NRG1: variants seen among roughly 807,000 people sequenced by gnomAD.
NRG1 encodes the protein neuregulin 1.
NRG1 carries 18 observed loss-of-function variants against 63.8 expected under a neutral mutation model. That is an observed-to-expected ratio of 0.28 (90% CI 0.19 to 0.42). NRG1 has a LOEUF of 0.42. Ranked by LOEUF, NRG1 falls within the 10% of genes least tolerant of loss-of-function variation. The probability of loss-of-function intolerance (pLI) is 1.00; values close to 1 mark genes in which losing one functional copy is unlikely to be tolerated. For missense variants in NRG1, 762 were observed against 814.7 expected (o/e 0.94, Z 0.79); for synonymous variants, 302 against 301.3 (o/e 1.00, Z -0.02).
chr8:31,942,800 A>T (rs1801950810), intron 1 of NRG1, among the ~76,000 whole-genome samples: 1 of 152,030 alleles, frequency 6.6e-6, no homozygotes, highest in Non-Finnish European at 1.5e-5. Context: ...GCTCAACATC[A>T]CTAATTATCA....
At chr8:32,453,199 T>C (rs932945583) in intron 1 of NRG1, among the ~76,000 whole-genome samples, 16 of 152,104 alleles carry the variant, frequency 1.1e-4, no homozygotes, top group Admixed American at 7.2e-4. Flanking sequence ...ATATTTTCCA[T>C]GACACTTTTG....
intron 1 of NRG1, among the ~76,000 whole-genome samples, chr8:32,342,712 T>C (rs1804226809): frequency 6.6e-6 from 1 of 152,254 alleles, no homozygotes; most frequent in South Asian, 2.1e-4. Context: ...TATTGGTGCA[T>C]ATTAGAAAGA....
chr8:32,604,850 A>G (rs1484602375), intron 2 of NRG1, among the ~76,000 whole-genome samples: 1 of 148,400 alleles, frequency 6.7e-6, no homozygotes, highest in Non-Finnish European at 1.5e-5. Context: ...AAACACAGAC[A>G]CAGCAAATCA....
At chr8:32,502,640 C>G (rs1402773876) in intron 1 of NRG1, among the ~76,000 whole-genome samples, 2 of 151,320 alleles carry the variant, frequency 1.3e-5, no homozygotes, top group African/African-American at 4.9e-5. Context: ...GACCTCTAAA[C>G]TACTCTAGGA....
At chr8:32,585,800 G>C (rs551484704) in intron 1 of NRG1, among the ~76,000 whole-genome samples, 1 of 152,194 alleles carries the variant, frequency 6.6e-6, no homozygotes, top group Non-Finnish European at 1.5e-5. Context: ...CAGAAATAAT[G>C]TCATGTGGTG....
intron 1 of NRG1, among the ~76,000 whole-genome samples, chr8:31,920,080 T>C (rs1224209049): frequency 2.0e-5 from 3 of 152,112 alleles, no homozygotes; most frequent in Non-Finnish European, 4.4e-5. Flanking sequence ...AAATAGGGCT[T>C]TGTTACAGCT....
intron 1 of NRG1, among the ~76,000 whole-genome samples, chr8:31,840,575 G>A (rs546410299): frequency 4.6e-5 from 7 of 152,148 alleles, no homozygotes; most frequent in African/African-American, 1.7e-4. Context: ...TTAGTTATGC[G>A]TGGTACTTGA....
chr8:32,193,746 G>A (rs933857746), intron 1 of NRG1, among the ~76,000 whole-genome samples: 15 of 152,172 alleles, frequency 9.9e-5, no homozygotes, highest in African/African-American at 3.4e-4. Context: ...AGGTAATTAA[G>A]TTAAAATGAA....
chr8:32,083,728 G>C (rs1294144321), intron 1 of NRG1, among the ~76,000 whole-genome samples: 1 of 151,936 alleles, frequency 6.6e-6, no homozygotes, highest in African/African-American at 2.4e-5. Context: ...TAATGGGAGG[G>C]GGAAATTAGA....
At chr8:32,059,818 ATTT>A (rs1823552235) in intron 1 of NRG1, among the ~76,000 whole-genome samples, 5 of 151,648 alleles carry the variant, frequency 3.3e-5, no homozygotes, top group Non-Finnish European at 7.4e-5. Flanking sequence ...GGGAAACTTT[ATTT>A]CTATCTTTTC....
At chr8:32,228,746 TAAG>T (rs10550729) in intron 1 of NRG1, among the ~76,000 whole-genome samples, 2,877 of 152,270 alleles carry the variant, frequency 0.019, 79 homozygotes, top group African/African-American at 0.064. Flanking sequence ...ATGAAAGAAA[TAAG>T]AACTCTCACA....
At chr8:32,142,749 T>C (rs552965883) in intron 1 of NRG1, among the ~76,000 whole-genome samples, 118 of 152,326 alleles carry the variant, frequency 7.7e-4, no homozygotes, top group African/African-American at 2.7e-3. Context: ...ACCAATGACA[T>C]TGTGAGAATT....
chr8:31,824,011 TC>T (rs1245922485), intron 1 of NRG1, among the ~76,000 whole-genome samples: 1 of 151,606 alleles, frequency 6.6e-6, no homozygotes, highest in Non-Finnish European at 1.5e-5. Flanking sequence ...TTCTTCTATT[TC>T]TTTTTTTTTA....
chr8:32,383,936 T>C (rs1464067987), intron 1 of NRG1, among the ~76,000 whole-genome samples: 2 of 152,134 alleles, frequency 1.3e-5, no homozygotes, highest in Non-Finnish European at 1.5e-5. Flanking sequence ...AGAAAGTGAG[T>C]TATAAACTGT....
At chr8:32,185,002 T>TTC (rs1240139259) in intron 1 of NRG1, among the ~76,000 whole-genome samples, 1 of 152,222 alleles carries the variant, frequency 6.6e-6, no homozygotes, top group Non-Finnish European at 1.5e-5. Flanking sequence ...GTAGATGACA[T>TTC]TCTGGAGACT....
intron 1 of NRG1, among the ~76,000 whole-genome samples, chr8:31,676,447 A>G (rs1807709480): frequency 6.6e-6 from 1 of 152,078 alleles, no homozygotes; most frequent in South Asian, 2.1e-4. Context: ...CATTCTTACT[A>G]TGATCTCTTT....
At chr8:32,340,467 G>C (rs547430621) in intron 1 of NRG1, among the ~76,000 whole-genome samples, 1 of 152,130 alleles carries the variant, frequency 6.6e-6, no homozygotes, top group African/African-American at 2.4e-5. Context: ...AACCAGATTC[G>C]ATTTTGATGC....
intron 1 of NRG1, among the ~76,000 whole-genome samples, chr8:31,927,765 A>G (rs1414973654): frequency 1.3e-5 from 2 of 150,734 alleles, no homozygotes; most frequent in South Asian, 2.1e-4. Flanking sequence ...TTTTTTAAAG[A>G]TCTGAGAGTG....
At chr8:32,652,564 C>G (rs1043252907) in intron 5 of NRG1, among the ~76,000 whole-genome samples, 1 of 151,880 alleles carries the variant, frequency 6.6e-6, no homozygotes, top group Non-Finnish European at 1.5e-5. Context: ...CTTTATAGGT[C>G]AGTATTTCAT....
Sources: allele counts gnomAD v4.1 joint callset (sites outside exome capture counted in the v4.1 genomes callset), GRCh38; gene constraint gnomAD v4.1.1; transcripts MANE v1.5; gene names NCBI Gene and HGNC (gene_info 2026-07-23, HGNC 2026-07-21).